The following STAU2 variants were observed in gnomAD, a reference collection of about 807,000 sequenced individuals.
STAU2 encodes the protein staufen double-stranded RNA binding protein 2, also known as double-stranded RNA-binding protein Staufen homolog 2.
A neutral mutation model predicts 65.9 loss-of-function variants in STAU2; 20 were observed. The ratio of observed to expected loss-of-function variants is 0.30; its 90% CI spans 0.21 to 0.44. The LOEUF (loss-of-function observed/expected upper bound fraction) is 0.44. Ranked by LOEUF, STAU2 falls within the 20% of genes least tolerant of loss-of-function variation. The probability of loss-of-function intolerance (pLI) is 1.00; values close to 1 mark genes in which losing one functional copy is unlikely to be tolerated. For missense variants in STAU2, 558 were observed against 683.9 expected, an observed-to-expected ratio of 0.82 and a Z score of 2.05; for synonymous variants, 232 against 233.9, an observed-to-expected ratio of 0.99 and a Z score of 0.07.
At chr8:73,646,592 T>C (rs539289314) in intron 6 of STAU2, among the ~76,000 whole-genome samples, 1 of 152,288 alleles carries the variant, frequency 6.6e-6, no homozygotes, top group Admixed American at 6.5e-5. Flanking sequence ...ATTCAAAATG[T>C]ACATTTAAAT....
At chr8:73,508,262 G>A (rs1256407518) in intron 13 of STAU2, among the ~76,000 whole-genome samples, 2 of 152,152 alleles carry the variant, frequency 1.3e-5, no homozygotes, top group Non-Finnish European at 2.9e-5. Context: ...TTTAAAGCAA[G>A]CAATATGAAA....
intron 4 of STAU2, among the ~76,000 whole-genome samples, chr8:73,692,211 T>TTC (rs1563510757): frequency 1.3e-5 from 2 of 150,790 alleles, no homozygotes; most frequent in South Asian, 2.1e-4. Flanking sequence ...TTTTTTTTTT[T>TTC]CCCCGGAGAT....
chr8:73,421,500 C>A, intron 14 of STAU2, 35 bp from the exon 15 acceptor site: 1 of 1,533,602 alleles, frequency 6.5e-7, no homozygotes, highest in Non-Finnish European at 8.7e-7. Context: ...AGCTGAAGGC[C>A]TGGGGTTGCA....
chr8:73,610,100 A>T (rs1171099389), intron 9 of STAU2, among the ~76,000 whole-genome samples: 1 of 152,008 alleles, frequency 6.6e-6, no homozygotes, highest in Non-Finnish European at 1.5e-5. Flanking sequence ...ACAACGTTGC[A>T]AAACCCTGTC....
chr8:73,588,954 C>T (rs1392839217), intron 11 of STAU2, among the ~76,000 whole-genome samples: 6 of 152,078 alleles, frequency 3.9e-5, no homozygotes, highest in Admixed American at 6.5e-5. Context: ...ATGACACCCA[C>T]CACAATCCCA....
At chr8:73,635,952 C>CACA (rs1586165974) in intron 6 of STAU2, among the ~76,000 whole-genome samples, 7,053 of 80,098 alleles carry the variant, frequency 0.088, 265 homozygotes, top group East Asian at 0.17. Context: ...ACACACACAC[C>CACA]CCTGGAACCA....
chr8:73,742,314 C>G (rs1806940774), intron 1 of STAU2: 7 of 839,282 alleles, frequency 8.3e-6, no homozygotes, highest in Non-Finnish European at 1.0e-5. Flanking sequence ...GGACGGATCA[C>G]CTGAGGTCAG....
chr8:73,566,448 G>A (rs967049428), intron 12 of STAU2, among the ~76,000 whole-genome samples: 3 of 152,050 alleles, frequency 2.0e-5, no homozygotes, highest in African/African-American at 7.2e-5. Flanking sequence ...CATTTTCCAT[G>A]TAATAAAACA....
chr8:73,462,761 C>T (rs533136394), intron 13 of STAU2, among the ~76,000 whole-genome samples: 2 of 152,054 alleles, frequency 1.3e-5, no homozygotes, highest in South Asian at 4.2e-4. Context: ...CATCTATGCA[C>T]TTCAAGCCTT....
At chr8:73,707,210 T>C (rs1177969860) in intron 4 of STAU2, among the ~76,000 whole-genome samples, 3 of 152,036 alleles carry the variant, frequency 2.0e-5, no homozygotes, top group Non-Finnish European at 4.4e-5. Flanking sequence ...AAGAGCTATG[T>C]GAGGATTGGG....
At chr8:73,464,539 C>T (rs1310970301) in intron 13 of STAU2, among the ~76,000 whole-genome samples, 1 of 152,172 alleles carries the variant, frequency 6.6e-6, no homozygotes, top group Non-Finnish European at 1.5e-5. Flanking sequence ...AACATTTGTT[C>T]ACAGGCAGCA....
chr8:73,738,476 TC>T (rs1231200908), intron 2 of STAU2, 127 bp from the exon 3 acceptor site: 14 of 678,344 alleles, frequency 2.1e-5, no homozygotes, highest in Non-Finnish European at 2.8e-5. Flanking sequence ...CATAGAACTT[TC>T]TATGATGATA....
rs575336188 is a variant in STAU2 at position 73,595,249 on chromosome 8, T to C, written c.1078A>G (p.Ile360Val). ...GCTTCTGCAGCATTTTTTTTGGCTA[T>C]CTTTTTATTAGGTCCTGTTCCTGTA... ...VATGTGPNKK[I>V]AKKNAAEAML... Residue 360 changes from isoleucine (I) to valine (V), a missense_variant, in exon 11 of 15, where the codon ATA (isoleucine) becomes GTA (valine). Ile to Val is a conservative substitution (Grantham distance 29). Transcript: ENST00000524300. 2.7e-5 allele frequency: 44 copies of C among 1,612,416 alleles called. No homozygotes were observed. Among genetic ancestry groups the C allele is most frequent in the South Asian group, 8.8e-5 (8 of 90,812 alleles).
At chr8:73,649,813 G>C (rs984166241) in intron 6 of STAU2, among the ~76,000 whole-genome samples, 2 of 143,286 alleles carry the variant, frequency 1.4e-5, no homozygotes, top group African/African-American at 5.2e-5. Flanking sequence ...ACTACTCAAA[G>C]ATGCTCTTCT....
chr8:73,579,953 AT>A (rs1194109841), intron 12 of STAU2, among the ~76,000 whole-genome samples: 1 of 152,214 alleles, frequency 6.6e-6, no homozygotes, highest in East Asian at 1.9e-4. Context: ...CTTTTAAAAA[AT>A]ATCTTCCACT....
At chr8:73,623,273 C>T (rs985493890) in intron 6 of STAU2, among the ~76,000 whole-genome samples, 15 of 152,250 alleles carry the variant, frequency 9.9e-5, no homozygotes, top group Admixed American at 7.8e-4. Flanking sequence ...ACTAAAATCC[C>T]GTATGTCCTC....
At chr8:73,688,936 C>G (rs1010252603) in intron 4 of STAU2, 123 bp from the exon 5 acceptor site, 3 of 1,114,224 alleles carry the variant, frequency 2.7e-6, no homozygotes, top group Non-Finnish European at 3.8e-6. Context: ...ACCTTACCTA[C>G]AGATCATCTG....
intron 11 of STAU2, among the ~76,000 whole-genome samples, chr8:73,584,380 T>TA (rs1810216019): frequency 6.6e-6 from 1 of 152,206 alleles, no homozygotes. Context: ...AGCTAATAGC[T>TA]AACACTGAAG....
rs56744849 is a variant in STAU2, at chr8:73,690,328, C to CAAAAAAAAAAAAAA, written c.115-1529_115-1516dup. On this transcript the variant is annotated intron_variant, in intron 4 of 14. Coordinates refer to ENST00000524300, the MANE Select transcript of STAU2 (RefSeq NM_001164380.2). ...TGGGTGACAGAGCGAGACTCTGTCT[C>CAAAAAAAAAAAAAA]AAAAAAAAAAAAAAAAAAGGAAAAG... Among the ~76,000 whole-genome samples, 26 of 58,220 alleles carry CAAAAAAAAAAAAAA rather than the reference C, an allele frequency of 4.5e-4. 1 individual carries two copies. Among genetic ancestry groups the CAAAAAAAAAAAAAA allele is most frequent in the African/African-American group, 1.4e-3 (22 of 15,210 alleles). 38.2% of individuals were successfully genotyped at this position (58,220 alleles called of 152,430 possible).
Sources: gnomAD v4.1 joint callset for allele counts (sites outside exome capture counted in the v4.1 genomes callset) on GRCh38, gnomAD v4.1.1 for gene constraint, MANE v1.5 for transcripts, NCBI Gene and HGNC (gene_info 2026-07-23, HGNC 2026-07-21) for gene names.